SNX30: variants seen among roughly 807,000 people sequenced by gnomAD.
The protein encoded by SNX30 is sorting nexin-30.
Under a neutral mutation model 46.4 loss-of-function variants are expected in SNX30, and 24 were observed. The observed-to-expected ratio is 0.52, with a 90% CI of 0.37 to 0.73. The LOEUF (loss-of-function observed/expected upper bound fraction) is 0.73, where lower values mean the gene tolerates loss of function less well. Among genes scored for constraint, SNX30 ranks in the 30% least tolerant of loss-of-function variants. The pLI, the probability that SNX30 is intolerant of heterozygous loss-of-function variation, is 0.00. For synonymous variants in SNX30, 189 were observed against 211.5 expected (o/e 0.89, Z 0.92); for missense variants, 533 against 555.7 (o/e 0.96, Z 0.41).
At chr9:112,795,037 T>G (rs1446590949) in intron 1 of SNX30, among the ~76,000 whole-genome samples, 1 of 152,210 alleles carries the variant, frequency 6.6e-6, no homozygotes, top group Non-Finnish European at 1.5e-5. Flanking sequence ...ATAAAATCAT[T>G]AAGAAAATAT....
At chr9:112,751,646 A>G (rs1839279467) in intron 1 of SNX30, among the ~76,000 whole-genome samples, 1 of 151,988 alleles carries the variant, frequency 6.6e-6, no homozygotes, top group African/African-American at 2.4e-5. Flanking sequence ...GTGGGGAGTG[A>G]TCTTTGTTTA....
chr9:112,811,552 T>C (rs1230778595), intron 2 of SNX30, among the ~76,000 whole-genome samples: 13 of 151,986 alleles, frequency 8.6e-5, no homozygotes, highest in African/African-American at 2.4e-4. Context: ...AATGTTGAAC[T>C]TCTGAAGGAA....
At position 112,863,251 on chromosome 9, in the gene SNX30, A is replaced by G. The variant is rs1841265724; in HGVS notation, c.1102-996A>G. On this transcript the variant is annotated intron_variant, in intron 7 of 8. Coordinates refer to ENST00000374232, the MANE Select transcript of SNX30 (RefSeq NM_001012994.2). ...CAGGGGTGAGCCATGGCTTGGAGAC[A>G]GTTTGGTTCATGGGCCCCAGCACAC... 2.0e-5 allele frequency among the ~76,000 whole-genome samples: 3 copies of G among 152,204 alleles called. No individual in the cohort carries two copies. In the South Asian group the frequency reaches 6.2e-4, roughly 31 times the overall value.
intron 2 of SNX30, among the ~76,000 whole-genome samples, chr9:112,816,699 G>T (rs767815874): frequency 6.6e-6 from 1 of 152,194 alleles, no homozygotes; most frequent in African/African-American, 2.4e-5. Context: ...TGTGCTTAAA[G>T]ATTTTCTTGG....
chr9:112,863,485 G>A (rs1021077186), intron 7 of SNX30, among the ~76,000 whole-genome samples: 4 of 152,238 alleles, frequency 2.6e-5, no homozygotes, highest in African/African-American at 7.2e-5. Context: ...CAAAGTGAAA[G>A]TTGTGAAACT....
chr9:112,831,183 C>G (rs1840654640), intron 4 of SNX30, among the ~76,000 whole-genome samples: 1 of 151,102 alleles, frequency 6.6e-6, no homozygotes, highest in Admixed American at 6.6e-5. Flanking sequence ...TCAGAAGCCA[C>G]CTTCATGAGC....
chr9:112,819,266 C>CTTTTTTTTT (rs35138610), intron 3 of SNX30, among the ~76,000 whole-genome samples: 19 of 116,990 alleles, frequency 1.6e-4, no homozygotes, highest in South Asian at 2.8e-4. Context: ...TTCTTTCTTT[C>CTTTTTTTTT]TTTTTTTTTT....
chr9:112,868,722 T>C lies in SNX30; in HGVS notation c.1255-62T>C, dbSNP rs150339597. 7,610 of 1,585,458 alleles carry C rather than the reference T, an allele frequency of 4.8e-3. 16 individuals are homozygous for C. The highest frequency in any genetic ancestry group is 5.8e-3 in the Non-Finnish European group (6,700 of 1,153,916). Reference sequence around the variant, plus strand: ...AACGAAAGGGTAGGTCAGAGCAGAATTGAAGCTGACCCGAAATCGGAAACT... The same window carrying C: ...AACGAAAGGGTAGGTCAGAGCAGAACTGAAGCTGACCCGAAATCGGAAACT... On this transcript the variant is annotated intron_variant, in intron 8 of 8. Coordinates refer to ENST00000374232, the MANE Select transcript of SNX30 (RefSeq NM_001012994.2).
chr9:112,785,070 GA>G (rs1204295424), intron 1 of SNX30, among the ~76,000 whole-genome samples: 2 of 152,136 alleles, frequency 1.3e-5, no homozygotes, highest in Admixed American at 1.3e-4. Flanking sequence ...CTGTGTGTTG[GA>G]AAACACCTAT....
downstream of SNX30, chr9:112,879,123 C>G (rs1384580909): frequency 2.0e-5 from 3 of 152,218 alleles, no homozygotes; most frequent in African/African-American, 7.2e-5. Flanking sequence ...TTCTTAAAAG[C>G]AACAGTAGTA....
At chr9:112,754,406 CTT>C (rs755479504) in intron 1 of SNX30, among the ~76,000 whole-genome samples, 6,405 of 112,172 alleles carry the variant, frequency 0.057, 54 homozygotes, top group Non-Finnish European at 0.082. Context: ...CTCACTGGGC[CTT>C]TTTTTTTTTT....
chr9:112,833,853 G>T (rs972277458), intron 4 of SNX30, among the ~76,000 whole-genome samples: 1 of 152,194 alleles, frequency 6.6e-6, no homozygotes, highest in African/African-American at 2.4e-5. Context: ...GAGGTCAGAA[G>T]GGGAGATGGA....
In SNX30 at chr9:112,874,081, A is replaced by G. The variant is rs2131526734; in HGVS notation, c.*5238A>G. On this transcript the variant is annotated 3_prime_UTR_variant, in exon 9 of 9. Coordinates refer to ENST00000374232, the MANE Select transcript of SNX30 (RefSeq NM_001012994.2). The stretch of plus-strand genomic sequence containing the variant: ...TGATTGTTCGCAGTCTTAGACCAAC[A>G]CTTCAGTCAGAAATGTTACTGGGAG... 1 of 152,316 alleles carries G rather than the reference A, an allele frequency of 6.6e-6. No individual in the cohort carries two copies. The highest frequency in any genetic ancestry group is 1.9e-4 in the East Asian group (1 of 5,186). 9.4% of individuals were successfully genotyped at this position (152,316 alleles called of 1,614,324 possible).
upstream of SNX30, among the ~76,000 whole-genome samples, chr9:112,750,633 T>A (rs113888803): frequency 0.011 from 1,668 of 151,432 alleles, 27 homozygotes; most frequent in African/African-American, 0.038. Flanking sequence ...GCCTCCTCCC[T>A]CCCTCCCTCC....
intron 7 of SNX30, among the ~76,000 whole-genome samples, chr9:112,856,328 TGGGGG>T (rs1841126931): frequency 1.6e-5 from 1 of 62,550 alleles, no homozygotes; most frequent in Non-Finnish European, 3.4e-5. Context: ...GTGGTGTGTG[TGGGGG>T]GTGGGTGTGT....
rs1407023568 is a variant in SNX30, at chr9:112,784,511, G to A, written c.157-20265G>A. Among the ~76,000 whole-genome samples, 3 of 152,126 alleles carry A rather than the reference G, an allele frequency of 2.0e-5. 1 individual carries two copies. The highest frequency in any genetic ancestry group is 4.4e-5 in the Non-Finnish European group (3 of 68,018). On this transcript the variant is annotated intron_variant, in intron 1 of 8. Transcript: ENST00000374232. ...GTCCATTCAGGATGACTGGTCCCCT[G>A]CCCGTGCCTTCTTTTTTGCCTTCTG...
chr9:112,830,989 A>G (rs1189482864), intron 4 of SNX30, 106 bp downstream of exon 4: 4 of 1,193,372 alleles, frequency 3.4e-6, no homozygotes, highest in Non-Finnish European at 3.5e-6. Flanking sequence ...CTTTTAACAA[A>G]TAGCCGAGTG....
chr9:112,775,883 T>G (rs1232122074), intron 1 of SNX30, among the ~76,000 whole-genome samples: 1 of 150,354 alleles, frequency 6.7e-6, no homozygotes, highest in Non-Finnish European at 1.5e-5. Flanking sequence ...TATTAGCACA[T>G]AGAGATCTTC....
Position 112,751,043 on chromosome 9 carries a change from C to A in SNX30, c.42C>A (p.Pro14=). The A allele has an allele frequency of 6.7e-7, 1 of 1,483,286 alleles. No individual in the cohort carries two copies. Among genetic ancestry groups the A allele is most frequent in the Non-Finnish European group, 8.9e-7 (1 of 1,122,370 alleles). The allele number at this position is 1,483,286 out of a possible 1,614,324, so 91.9% of individuals were successfully genotyped here. A position where few individuals can be genotyped will look rare whatever the true frequency, so the allele number is the denominator to read the frequency against. The change falls in exon 1 of 9, where the codon CCC becomes CCA. Residue 14 remains proline, a synonymous_variant. Coordinates refer to ENST00000374232, the MANE Select transcript of SNX30 (RefSeq NM_001012994.2). ...CCAAGGCCCTGCCGTCCACGGGGCC[C>A]CACTCCCTGCGCGACATGCCGCACC... ...GPPKALPSTG[P]HSLRDMPHPL...
Sources: allele counts gnomAD v4.1 joint callset (sites outside exome capture counted in the v4.1 genomes callset), GRCh38; gene constraint gnomAD v4.1.1; transcripts MANE v1.5; gene names NCBI Gene and HGNC (gene_info 2026-07-23, HGNC 2026-07-21).